TCF7L2: variants seen among roughly 807,000 people sequenced by gnomAD.
TCF7L2 encodes transcription factor 7 like 2.
TCF7L2 carries 23 observed loss-of-function variants against 77.9 expected under a neutral mutation model. The ratio of observed to expected loss-of-function variants is 0.30; its 90% confidence interval spans 0.21 to 0.42. The LOEUF is 0.42. Among genes scored for constraint, TCF7L2 ranks in the 10% least tolerant of loss-of-function variants. The pLI, the probability that TCF7L2 is intolerant of heterozygous loss-of-function variation, is 1.00. For synonymous variants in TCF7L2, 413 were observed against 340.2 expected (o/e 1.21, Z -2.36); for missense variants, 654 against 793.1 (o/e 0.82, Z 2.11).
At chr10:113,045,096 G>A (rs775941467) in intron 5 of TCF7L2, among the ~76,000 whole-genome samples, 1 of 152,120 alleles carries the variant, frequency 6.6e-6, no homozygotes, top group Non-Finnish European at 1.5e-5. Context: ...GAGCAGGTTT[G>A]GGGTGGAAGC....
At chr10:112,980,577 C>T (rs1204519761) in intron 4 of TCF7L2, among the ~76,000 whole-genome samples, 1 of 152,078 alleles carries the variant, frequency 6.6e-6, no homozygotes, top group African/African-American at 2.4e-5. Context: ...CTTCCCTCCT[C>T]CTGGTCTTAA....
intron 4 of TCF7L2, among the ~76,000 whole-genome samples, chr10:112,986,291 C>T (rs948546712): frequency 3.3e-5 from 5 of 152,102 alleles, no homozygotes; most frequent in African/African-American, 7.2e-5. Flanking sequence ...CTTGCCTTTC[C>T]TCCTTTCTTT....
At chr10:112,999,223 C>T (rs1005820764) in intron 4 of TCF7L2, among the ~76,000 whole-genome samples, 1 of 152,184 alleles carries the variant, frequency 6.6e-6, no homozygotes, top group South Asian at 2.1e-4. Context: ...TCTGTCCAGG[C>T]CTGTGTAATA....
intron 5 of TCF7L2, among the ~76,000 whole-genome samples, chr10:113,075,736 C>G (rs2058622619): frequency 6.6e-6 from 1 of 152,100 alleles, no homozygotes; most frequent in Admixed American, 6.6e-5. Context: ...GGGTTTAGAT[C>G]CTACCTGGTT....
intron 5 of TCF7L2, chr10:113,126,975 C>T (rs1261544828): frequency 9.4e-6 from 9 of 954,794 alleles, no homozygotes; most frequent in Non-Finnish European, 1.0e-5. Flanking sequence ...CACGGCTGTC[C>T]AGTCCGCATG....
chr10:112,994,402 G>A (rs2043115874), intron 4 of TCF7L2, among the ~76,000 whole-genome samples: 1 of 152,164 alleles, frequency 6.6e-6, no homozygotes, highest in African/African-American at 2.4e-5. Flanking sequence ...GCATCTATCA[G>A]TATGTCATTC....
intron 4 of TCF7L2, among the ~76,000 whole-genome samples, chr10:112,978,546 A>T (rs2039869094): frequency 6.6e-6 from 1 of 151,438 alleles, no homozygotes; most frequent in South Asian, 2.1e-4. Flanking sequence ...GCTCAGTGCA[A>T]GCTCTGCCTC....
intron 4 of TCF7L2, among the ~76,000 whole-genome samples, chr10:112,994,041 C>T (rs34347733): frequency 0.074 from 10,857 of 146,458 alleles, 435 homozygotes; most frequent in African/African-American, 0.12. Context: ...GGCGGCAGAG[C>T]GAGACTCTGT....
intron 5 of TCF7L2, among the ~76,000 whole-genome samples, chr10:113,055,693 C>T (rs2055256765): frequency 6.6e-6 from 1 of 152,162 alleles, no homozygotes; most frequent in South Asian, 2.1e-4. Flanking sequence ...GTCCTCCTGC[C>T]CCAGCCTCCT....
At chr10:113,131,424 A>G (rs2066583700) in intron 5 of TCF7L2, among the ~76,000 whole-genome samples, 1 of 152,188 alleles carries the variant, frequency 6.6e-6, no homozygotes, top group Non-Finnish European at 1.5e-5. Flanking sequence ...ATGGTGGTGA[A>G]GAGAGTGGAG....
At chr10:113,070,599 T>C (rs2057872327) in intron 5 of TCF7L2, among the ~76,000 whole-genome samples, 1 of 152,110 alleles carries the variant, frequency 6.6e-6, no homozygotes, top group Non-Finnish European at 1.5e-5. Context: ...TCGTGACATT[T>C]TGGAGTAGAT....
intron 5 of TCF7L2, among the ~76,000 whole-genome samples, chr10:113,128,166 T>A (rs1213594140): frequency 6.6e-6 from 1 of 152,086 alleles, no homozygotes. Context: ...GTTACCACCA[T>A]GTAAAGGGAA....
intron 13 of TCF7L2, among the ~76,000 whole-genome samples, chr10:113,163,173 C>G (rs538399069): frequency 6.6e-6 from 1 of 152,184 alleles, no homozygotes; most frequent in Non-Finnish European, 1.5e-5. Context: ...ATACCCCTCT[C>G]ATTCCTATGA....
chr10:112,950,465 C>A lies in TCF7L2; in HGVS notation c.-292C>A. 4 of 171,046 alleles carry A rather than the reference C, an allele frequency of 2.3e-5. No individual in the cohort carries two copies. Among genetic ancestry groups the A allele is most frequent in the Admixed American group, 7.8e-5 (1 of 12,790 alleles). The allele number at this position is 171,046 out of a possible 1,614,324, so 10.6% of individuals were successfully genotyped here. A position where few individuals can be genotyped will look rare whatever the true frequency, so the allele number is the denominator to read the frequency against. ...GTTGTTGGTGTTTTTTTTTTTTTTACCCCCCTTTTTTATTTATTATTTTTT... is the reference window on the plus strand; with the variant it reads ...GTTGTTGGTGTTTTTTTTTTTTTTAACCCCCTTTTTTATTTATTATTTTTT... On this transcript the variant is annotated 5_prime_UTR_variant, in exon 1 of 14. Transcript: ENST00000627217.
At chr10:112,962,853 C>T (rs145629461) in intron 3 of TCF7L2, among the ~76,000 whole-genome samples, 2,267 of 152,234 alleles carry the variant, frequency 0.015, 54 homozygotes, top group African/African-American at 0.051. Context: ...CCCGCCTCAG[C>T]CCCCCAAAGT....
chr10:112,984,162 G>A (rs769183905), intron 4 of TCF7L2, among the ~76,000 whole-genome samples: 1 of 152,208 alleles, frequency 6.6e-6, no homozygotes, highest in African/African-American at 2.4e-5. Context: ...AGAAAGCAGT[G>A]TTGGTCAATA....
chr10:113,113,672 G>C (rs945054447), intron 5 of TCF7L2, among the ~76,000 whole-genome samples: 1 of 152,158 alleles, frequency 6.6e-6, no homozygotes, highest in East Asian at 1.9e-4. Context: ...TATTTCTGCA[G>C]CATTTAAAGA....
chr10:112,974,434 G>T (rs554364991), intron 4 of TCF7L2, among the ~76,000 whole-genome samples: 1 of 152,138 alleles, frequency 6.6e-6, no homozygotes, highest in East Asian at 1.9e-4. Context: ...TCAGCTGCTG[G>T]TATTTTCTTT....
At chr10:113,124,492 GA>G (rs1307146526) in intron 5 of TCF7L2, among the ~76,000 whole-genome samples, 2 of 152,026 alleles carry the variant, frequency 1.3e-5, no homozygotes, top group Non-Finnish European at 2.9e-5. Flanking sequence ...ATATCATCTC[GA>G]AGACAACTTA....
Sources: gnomAD v4.1 joint callset for allele counts (sites outside exome capture counted in the v4.1 genomes callset) on GRCh38, gnomAD v4.1.1 for gene constraint, MANE v1.5 for transcripts, NCBI Gene and HGNC (gene_info 2026-07-23, HGNC 2026-07-21) for gene names.